Variants in CNTNAP2 observed in about 807,000 individuals in gnomAD.
CNTNAP2 encodes the protein contactin associated protein 2, also known as contactin-associated protein-like 2.
Under a neutral mutation model 155.2 loss-of-function variants are expected in CNTNAP2, and 98 were observed. The ratio of observed to expected loss-of-function variants is 0.63; its 90% CI spans 0.54 to 0.75. The LOEUF (loss-of-function observed/expected upper bound fraction) is 0.75. CNTNAP2 is among the 30% of genes least tolerant of loss of function. The pLI, the probability that CNTNAP2 is intolerant of heterozygous loss-of-function variation, is 0.00. For missense variants in CNTNAP2, 1,727 were observed against 1,688.1 expected (o/e 1.02, Z -0.40); for synonymous variants, 651 against 631.2 (o/e 1.03, Z -0.47).
intron 2 of CNTNAP2, among the ~76,000 whole-genome samples, chr7:146,790,323 A>T (rs1425135479): frequency 6.6e-6 from 1 of 152,208 alleles, no homozygotes; most frequent in Non-Finnish European, 1.5e-5. Context: ...TTTGAATTTC[A>T]ACAATTCAAA....
At chr7:146,140,223 A>G (rs552607589) in intron 1 of CNTNAP2, among the ~76,000 whole-genome samples, 4 of 152,230 alleles carry the variant, frequency 2.6e-5, no homozygotes, top group South Asian at 2.1e-4. Flanking sequence ...AGAAAATGAG[A>G]TATCATCCTG....
At chr7:147,171,206 A>G (rs1802219504) in intron 8 of CNTNAP2, among the ~76,000 whole-genome samples, 2 of 152,156 alleles carry the variant, frequency 1.3e-5, no homozygotes, top group Non-Finnish European at 2.9e-5. Flanking sequence ...GAGGCCCGGA[A>G]TCAGCTTTAG....
intron 1 of CNTNAP2, among the ~76,000 whole-genome samples, chr7:146,768,415 C>G: frequency 6.6e-6 from 1 of 151,606 alleles, no homozygotes; most frequent in Non-Finnish European, 1.5e-5. Flanking sequence ...TGTTGTGTGC[C>G]CCCCCACATT....
chr7:148,338,789 C>CA (rs1563049481), intron 21 of CNTNAP2, among the ~76,000 whole-genome samples: 1 of 151,664 alleles, frequency 6.6e-6, no homozygotes, highest in East Asian at 1.9e-4. Context: ...TAAGGCTTCT[C>CA]AAAAAAGAGC....
At chr7:148,305,668 G>A (rs1044783554) in intron 21 of CNTNAP2, among the ~76,000 whole-genome samples, 3 of 152,200 alleles carry the variant, frequency 2.0e-5, no homozygotes, top group Non-Finnish European at 4.4e-5. Context: ...GAGAAAGCGA[G>A]TGAGCTGGGA....
At chr7:146,309,091 T>G (rs568443158) in intron 1 of CNTNAP2, among the ~76,000 whole-genome samples, 55 of 152,316 alleles carry the variant, frequency 3.6e-4, no homozygotes, top group Non-Finnish European at 4.0e-4. Flanking sequence ...GTGGGAGAAC[T>G]AGATATGAGA....
At chr7:147,473,416 C>A (rs867091583) in intron 10 of CNTNAP2, among the ~76,000 whole-genome samples, 1 of 152,084 alleles carries the variant, frequency 6.6e-6, no homozygotes, top group Non-Finnish European at 1.5e-5. Flanking sequence ...CTCATGCCCA[C>A]AGAGACGCTC....
intron 13 of CNTNAP2, among the ~76,000 whole-genome samples, chr7:147,859,846 T>C (rs1584995400): frequency 6.6e-6 from 1 of 152,312 alleles, no homozygotes; most frequent in Admixed American, 6.5e-5. Context: ...CATTAAGAAA[T>C]GAATTTTGTA....
At chr7:146,983,996 C>G (rs1798068604) in intron 3 of CNTNAP2, among the ~76,000 whole-genome samples, 2 of 152,110 alleles carry the variant, frequency 1.3e-5, no homozygotes, top group African/African-American at 4.8e-5. Flanking sequence ...GAAACATGTG[C>G]CTGCAGGTTG....
chr7:147,338,935 A>G (rs575787633), intron 9 of CNTNAP2, among the ~76,000 whole-genome samples: 34 of 152,202 alleles, frequency 2.2e-4, no homozygotes, highest in African/African-American at 7.7e-4. Context: ...ATACTTTTTC[A>G]TGTACCATTT....
chr7:146,959,759 A>G (rs1005582368), intron 3 of CNTNAP2, among the ~76,000 whole-genome samples: 2 of 152,028 alleles, frequency 1.3e-5, no homozygotes, highest in African/African-American at 4.8e-5. Flanking sequence ...ACGAACTGCA[A>G]TCACATTTCC....
At chr7:147,660,817 C>T (rs1795597498) in intron 13 of CNTNAP2, among the ~76,000 whole-genome samples, 1 of 152,166 alleles carries the variant, frequency 6.6e-6, no homozygotes, top group South Asian at 2.1e-4. Context: ...TGGTAGGAGA[C>T]TGGTTAGCCT....
intron 1 of CNTNAP2, among the ~76,000 whole-genome samples, chr7:146,339,884 A>G (rs928950698): frequency 1.3e-5 from 2 of 152,124 alleles, no homozygotes; most frequent in African/African-American, 4.8e-5. Flanking sequence ...CATAAAATGA[A>G]ATACAGCGGG....
intron 1 of CNTNAP2, among the ~76,000 whole-genome samples, chr7:146,468,068 TAGAC>T (rs1423009323): frequency 7.2e-5 from 11 of 152,170 alleles, no homozygotes; most frequent in African/African-American, 1.7e-4. Context: ...GAAATCTTGA[TAGAC>T]AGTATAGAAA....
chr7:148,219,866 T>TA (rs960562322), intron 19 of CNTNAP2, among the ~76,000 whole-genome samples: 29 of 150,274 alleles, frequency 1.9e-4, no homozygotes, highest in African/African-American at 3.2e-4. Flanking sequence ...TAAAATAATT[T>TA]AAAAAAAAAG....
chr7:146,228,993 G>T (rs531709467), intron 1 of CNTNAP2, among the ~76,000 whole-genome samples: 1 of 152,104 alleles, frequency 6.6e-6, no homozygotes, highest in South Asian at 2.1e-4. Flanking sequence ...GTACAATCAA[G>T]CTCTCTATCT....
At chr7:146,865,918 G>A (rs1469097906) in intron 3 of CNTNAP2, among the ~76,000 whole-genome samples, 2 of 152,070 alleles carry the variant, frequency 1.3e-5, no homozygotes, top group Non-Finnish European at 2.9e-5. Context: ...TCCTTGAAAA[G>A]GAATCCTTGT....
intron 1 of CNTNAP2, among the ~76,000 whole-genome samples, chr7:146,357,365 A>G (rs1409046343): frequency 6.6e-6 from 1 of 152,146 alleles, no homozygotes; most frequent in African/African-American, 2.4e-5. Flanking sequence ...AATGTCTGAT[A>G]GGATTAAAAA....
At chr7:148,106,493 G>GAGAGATATATATATATATATAT (rs1554472856) in intron 15 of CNTNAP2, among the ~76,000 whole-genome samples, 1 of 124,926 alleles carries the variant, frequency 8.0e-6, no homozygotes, top group African/African-American at 3.5e-5. Flanking sequence ...CACACTTTGA[G>GAGAGATATATATATATATATAT]ATATATATAT....
Sources: allele counts gnomAD v4.1 joint callset (sites outside exome capture counted in the v4.1 genomes callset), GRCh38; gene constraint gnomAD v4.1.1; transcripts MANE v1.5; gene names NCBI Gene and HGNC (gene_info 2026-07-23, HGNC 2026-07-21).